Variants in LRRK2 observed in about 807,000 individuals in gnomAD.
LRRK2 encodes leucine-rich repeat serine/threonine-protein kinase 2.
A neutral mutation model predicts 302.6 loss-of-function variants in LRRK2; 203 were observed. The ratio of observed to expected loss-of-function variants is 0.67; its 90% CI spans 0.60 to 0.75. The LOEUF (loss-of-function observed/expected upper bound fraction) is 0.75. Among genes scored for constraint, LRRK2 ranks in the 30% least tolerant of loss-of-function variants. The probability of loss-of-function intolerance (pLI) is 0.00; values close to 1 mark genes in which losing one functional copy is unlikely to be tolerated. For synonymous variants in LRRK2, 1,066 were observed against 1,031.9 expected (o/e 1.03, Z -0.63); for missense variants, 2,830 against 2,951.0 (o/e 0.96, Z 0.95).
rs373582965 is a variant in LRRK2, at chr12:40,321,007, A to G, written c.5016-27A>G. 34 of 1,611,676 alleles carry G rather than the reference A, an allele frequency of 2.1e-5. No individual in the cohort carries two copies. In the African/African-American group the frequency reaches 3.7e-4, roughly 18 times the overall value. ...AAGGTTGGGTGTTTTGTGAGGCTGT[A>G]TAACCATAGTGTCCTTTTGCCTTTA... On this transcript the variant is annotated intron_variant, in intron 34 of 50. Transcript: ENST00000298910.
chr12:40,264,345 G>T (rs1241188949), intron 14 of LRRK2, among the ~76,000 whole-genome samples: 1 of 152,180 alleles, frequency 6.6e-6, no homozygotes, highest in Non-Finnish European at 1.5e-5. Context: ...CTTCGGCTGG[G>T]CACAGTGGCC....
At chr12:40,304,243 G>T in intron 27 of LRRK2, 109 bp downstream of exon 27, 1 of 1,052,638 alleles carries the variant, frequency 9.5e-7, no homozygotes, top group Non-Finnish European at 1.4e-6. Context: ...GAAACTAGAA[G>T]CTTCCTGTTA....
rs1433522052 is a variant in LRRK2, at chr12:40,313,847, T to C, written c.4537-125T>C. 92 of 711,012 alleles carry C rather than the reference T, an allele frequency of 1.3e-4. No homozygotes were observed. The East Asian group carries it at 2.5e-3, about 19-fold the overall frequency. The allele number at this position is 711,012 out of a possible 1,614,324, so 44.0% of individuals were successfully genotyped here. ...AGCTTTTTATTATATTTTGATTTTA[T>C]TTAAAAATGTACTTCTGAATAATAT... On this transcript the variant is annotated intron_variant, in intron 31 of 50. Coordinates refer to ENST00000298910, the MANE Select transcript of LRRK2 (RefSeq NM_198578.4).
At chr12:40,352,234 G>A (rs1374996825) in intron 44 of LRRK2, among the ~76,000 whole-genome samples, 1 of 138,912 alleles carries the variant, frequency 7.2e-6, no homozygotes, top group East Asian at 2.0e-4. Context: ...CCTGTCATCT[G>A]AGGGTATTCT....
chr12:40,281,296 C>G (rs1943687528), intron 18 of LRRK2, among the ~76,000 whole-genome samples: 1 of 152,166 alleles, frequency 6.6e-6, no homozygotes, highest in Non-Finnish European at 1.5e-5. Context: ...AATAACTTGC[C>G]TAAGAACAAG....
intron 20 of LRRK2, among the ~76,000 whole-genome samples, chr12:40,292,501 G>A (rs940390066): frequency 6.6e-6 from 1 of 150,540 alleles, no homozygotes; most frequent in Non-Finnish European, 1.5e-5. Flanking sequence ...TATAAAGTGG[G>A]ATAATTATGA....
Position 40,284,068 on chromosome 12 carries a change from A to G in LRRK2, c.2435A>G (p.Lys812Arg). 1 of 1,613,496 alleles carries G rather than the reference A, an allele frequency of 6.2e-7. No individual in the cohort carries two copies. The highest frequency in any genetic ancestry group is 8.5e-7 in the Non-Finnish European group (1 of 1,179,562). The change falls in exon 19 of 51, where the codon AAA becomes AGA. Residue 812 changes from lysine to arginine, a missense_variant. Transcript: ENST00000298910. The stretch of plus-strand genomic sequence containing the variant: ...TGCCTTGGAGGATTTTGTATAGGAA[A>G]AGTTGAACCTTCTTGGCTTGGTCCT... ...SICLGGFCIG[K>R]VEPSWLGPLF...
intron 25 of LRRK2, among the ~76,000 whole-genome samples, chr12:40,302,370 TAAAGA>T (rs1344042700): frequency 2.0e-5 from 3 of 152,098 alleles, no homozygotes; most frequent in Non-Finnish European, 2.9e-5. Flanking sequence ...GCTAGTACCA[TAAAGA>T]ATTTTTGTCC....
chr12:40,329,943 C>T (rs974645059), intron 39 of LRRK2, among the ~76,000 whole-genome samples: 2 of 152,166 alleles, frequency 1.3e-5, no homozygotes, highest in Admixed American at 6.5e-5. Context: ...ATCATGACTT[C>T]AAGTGTTTCT....
chr12:40,351,012 G>A (rs1339840140), intron 43 of LRRK2, among the ~76,000 whole-genome samples: 1 of 152,148 alleles, frequency 6.6e-6, no homozygotes, highest in Non-Finnish European at 1.5e-5. Flanking sequence ...TGGCGGGCAG[G>A]TGGCCATGTC....
chr12:40,279,783 G>A (rs535617526), intron 18 of LRRK2, among the ~76,000 whole-genome samples: 1 of 151,898 alleles, frequency 6.6e-6, no homozygotes, highest in African/African-American at 2.4e-5. Context: ...TTTTTAAAAC[G>A]AAATCTTAAA....
At chr12:40,366,908 G>A (rs567890548) in intron 49 of LRRK2, 98 bp from the exon 50 acceptor site, 3 of 806,904 alleles carry the variant, frequency 3.7e-6, no homozygotes, top group Non-Finnish European at 6.2e-6. Context: ...TCAGTTCCAA[G>A]GTATTTGTGT....
intron 39 of LRRK2, among the ~76,000 whole-genome samples, chr12:40,330,933 T>C (rs1945695783): frequency 6.6e-6 from 1 of 152,238 alleles, no homozygotes. Flanking sequence ...TTGATAATCA[T>C]ATTTTCCATT....
chr12:40,353,312 G>A (rs538953358), intron 44 of LRRK2, among the ~76,000 whole-genome samples: 4 of 135,548 alleles, frequency 3.0e-5, no homozygotes, highest in South Asian at 2.6e-4. Context: ...CAGACAGGGC[G>A]GCCAGGCAGA....
chr12:40,259,341 A>G (rs1942667872), intron 12 of LRRK2, 139 bp from the exon 13 acceptor site: 2 of 999,538 alleles, frequency 2.0e-6, no homozygotes, highest in Admixed American at 1.9e-5. Context: ...TGCTCATACT[A>G]CTGATTTCAA....
rs558440102 is a variant in LRRK2, at chr12:40,322,466, A to G, written c.5465A>G (p.His1822Arg). Residue 1822 changes from histidine (H) to arginine (R), a missense_variant, in exon 37 of 51, where the codon CAT becomes CGT. Physicochemically the swap from His to Arg is conservative, Grantham distance 29. Around this residue, in one of 3 missense-constraint regions of LRRK2, gnomAD observed 2,121 missense variants for 2,148.0 expected, o/e 0.99. Transcript: ENST00000298910. ...TATAGTTTTAATGATGGTGAAGAAC[A>G]TCAAAAAATCTTACTTGATGACTTG... ...ALYSFNDGEE[H>R]QKILLDDLMK... The G allele has an allele frequency of 5.6e-6, 9 of 1,613,444 alleles. No homozygotes were observed. The East Asian group carries it at 1.1e-4, about 20-fold the overall frequency.
chr12:40,275,171 G>A (rs748501387), intron 16 of LRRK2, among the ~76,000 whole-genome samples, 178 bp downstream of exon 16: 1 of 152,182 alleles, frequency 6.6e-6, no homozygotes, highest in Non-Finnish European at 1.5e-5. Context: ...TAAAGATCCA[G>A]TGTTTCATTA....
intron 25 of LRRK2, 148 bp downstream of exon 25, chr12:40,299,405 A>G: frequency 1.2e-6 from 1 of 847,780 alleles, no homozygotes; most frequent in Non-Finnish European, 1.9e-6. Flanking sequence ...GCAGGTTGGC[A>G]ATAAAACAAA....
At chr12:40,250,668 C>T (rs987954634) in intron 8 of LRRK2, among the ~76,000 whole-genome samples, 13 of 152,186 alleles carry the variant, frequency 8.5e-5, no homozygotes, top group African/African-American at 2.9e-4. Flanking sequence ...CCAGTCCCAT[C>T]CCCTAACAGG....
Sources: allele counts gnomAD v4.1 joint callset (sites outside exome capture counted in the v4.1 genomes callset), GRCh38; gene constraint gnomAD v4.1.1; regional missense constraint gnomAD v4.1.1; transcripts MANE v1.5; gene names NCBI Gene and HGNC (gene_info 2026-07-23, HGNC 2026-07-21).